The following SEMA3A variants were observed in gnomAD, a reference collection of about 807,000 sequenced individuals.
The protein encoded by SEMA3A is semaphorin-3A.
In SEMA3A, 29 loss-of-function variants were observed where a neutral mutation model predicts 97.9. The ratio of observed to expected loss-of-function variants is 0.30; its 90% CI spans 0.22 to 0.40. The LOEUF is 0.40. Ranked by LOEUF, SEMA3A falls within the 10% of genes least tolerant of loss-of-function variation. SEMA3A has a pLI of 1.00. For missense variants in SEMA3A, 763 were observed against 951.3 expected (o/e 0.80, Z 2.60); for synonymous variants, 321 against 323.7 (o/e 0.99, Z 0.09).
At chr7:83,995,220 A>G (rs1375024111) in intron 12 of SEMA3A, among the ~76,000 whole-genome samples, 1 of 151,666 alleles carries the variant, frequency 6.6e-6, no homozygotes, top group Non-Finnish European at 1.5e-5. Flanking sequence ...ACTGTCTGGC[A>G]CTCCCTAGTG....
At chr7:83,996,297 A>G (rs576031313) in intron 12 of SEMA3A, among the ~76,000 whole-genome samples, 14 of 140,220 alleles carry the variant, frequency 1.0e-4, no homozygotes, top group African/African-American at 3.8e-4. Context: ...ATTTACTAGT[A>G]ATCTTTTTTT....
chr7:84,203,502 G>GTA (rs1178194583), intron 3 of SEMA3A, among the ~76,000 whole-genome samples: 760 of 56,930 alleles, frequency 0.013, 86 homozygotes, highest in African/African-American at 0.05. Flanking sequence ...TTGTGTGTGT[G>GTA]TATATATATA....
At chr7:84,069,113 A>G (rs936065682) in intron 4 of SEMA3A, among the ~76,000 whole-genome samples, 2 of 152,064 alleles carry the variant, frequency 1.3e-5, no homozygotes, top group Non-Finnish European at 2.9e-5. Context: ...ATATAATTTG[A>G]TTTTTGGATA....
At position 84,376,460 on chromosome 7, in the gene SEMA3A, C is replaced by T. The variant is rs1012346316; in HGVS notation, c.-245-4560G>A. 3.0e-4 allele frequency among the ~76,000 whole-genome samples: 43 copies of T among 142,294 alleles called. 5 individuals are homozygous for T. Among genetic ancestry groups the T allele is most frequent in the Admixed American group, 1.8e-3 (24 of 13,686 alleles). 93.4% of individuals were successfully genotyped at this position (142,294 alleles called of 152,430 possible). ...TACTAAAAAACACAAAAAAATTAGC[C>T]GGGCGTGGTGGCGGGCGCCTGTAGT... is the stretch of plus-strand genomic sequence containing the variant. On this transcript the variant is annotated intron_variant, in intron 1 of 3. Transcript: ENST00000424555.
intron 1 of SEMA3A, among the ~76,000 whole-genome samples, chr7:84,381,918 T>A (rs1803271409): frequency 6.6e-6 from 1 of 152,176 alleles, no homozygotes; most frequent in African/African-American, 2.4e-5. Context: ...TTACTTGATA[T>A]TTTTAAACAT....
At chr7:84,052,499 A>G (rs1451269974) in intron 5 of SEMA3A, among the ~76,000 whole-genome samples, 2 of 152,118 alleles carry the variant, frequency 1.3e-5, no homozygotes, top group Non-Finnish European at 2.9e-5. Context: ...TTATTTGTGT[A>G]GAGGTGTTTG....
intron 12 of SEMA3A, among the ~76,000 whole-genome samples, chr7:83,988,320 G>A (rs1053084478): frequency 1.6e-4 from 24 of 151,562 alleles, no homozygotes; most frequent in African/African-American, 5.3e-4. Context: ...TCTGCCCCTC[G>A]GGTTCATGCC....
chr7:84,019,004 G>A (rs949769212), intron 6 of SEMA3A, among the ~76,000 whole-genome samples: 1 of 152,180 alleles, frequency 6.6e-6, no homozygotes, highest in African/African-American at 2.4e-5. Flanking sequence ...GGCTGTCATA[G>A]AAACTCAAAT....
intron 2 of SEMA3A, among the ~76,000 whole-genome samples, chr7:84,311,985 G>A (rs868514049): frequency 6.6e-6 from 1 of 151,694 alleles, no homozygotes; most frequent in Admixed American, 6.6e-5. Context: ...ATGGGGTGAC[G>A]CCACCAAAAC....
At position 84,082,128 on chromosome 7, in the gene SEMA3A, C is replaced by T. The variant is rs567028868; in HGVS notation, c.454-21570G>A. ...TAAAAATGAATTTTACCTTTGAGTACCTTCTCTGTCTGACTCATGGTTTTG... is the reference window on the plus strand; with the variant it reads ...TAAAAATGAATTTTACCTTTGAGTATCTTCTCTGTCTGACTCATGGTTTTG... On this transcript the variant is annotated intron_variant, in intron 4 of 16. Coordinates refer to ENST00000265362, the MANE Select transcript of SEMA3A (RefSeq NM_006080.3). Among the ~76,000 whole-genome samples, 6 of 152,224 alleles carry T rather than the reference C, an allele frequency of 3.9e-5. No homozygotes were observed. In the South Asian group the frequency reaches 1.2e-3, roughly 32 times the overall value.
chr7:84,158,061 T>C (rs973978783), intron 1 of SEMA3A, among the ~76,000 whole-genome samples: 1 of 152,042 alleles, frequency 6.6e-6, no homozygotes, highest in Admixed American at 6.6e-5. Flanking sequence ...TAGCTGATGC[T>C]ATAACTTGGG....
At chr7:84,078,892 C>T (rs548724812) in intron 4 of SEMA3A, among the ~76,000 whole-genome samples, 97 of 152,062 alleles carry the variant, frequency 6.4e-4, no homozygotes, top group Non-Finnish European at 1.1e-3. Flanking sequence ...TTGCAAAATA[C>T]AGGCAGGGCG....
At chr7:84,023,305 T>C (rs549726900) in intron 6 of SEMA3A, among the ~76,000 whole-genome samples, 1 of 152,184 alleles carries the variant, frequency 6.6e-6, no homozygotes, top group African/African-American at 2.4e-5. Flanking sequence ...CAGCAACATT[T>C]TGACCAGCAT....
intron 12 of SEMA3A, among the ~76,000 whole-genome samples, chr7:83,995,176 C>T (rs1188447236): frequency 9.2e-5 from 14 of 152,122 alleles, no homozygotes; most frequent in East Asian, 1.9e-4. Context: ...TGCTTCGGCT[C>T]GCGCACGGTG....
At chr7:84,058,760 T>C (rs1793096344) in intron 5 of SEMA3A, among the ~76,000 whole-genome samples, 1 of 152,180 alleles carries the variant, frequency 6.6e-6, no homozygotes, top group South Asian at 2.1e-4. Flanking sequence ...CACCTATTGT[T>C]CTTTCTAGCC....
intron 2 of SEMA3A, among the ~76,000 whole-genome samples, chr7:84,364,418 T>C (rs1296299824): frequency 6.6e-6 from 1 of 151,784 alleles, no homozygotes; most frequent in Non-Finnish European, 1.5e-5. Context: ...TAATTCAATT[T>C]CATCATTCAA....
rs79794418 is a variant in SEMA3A at position 84,440,768 on chromosome 7, A to T, written c.-246+51692T>A. The stretch of plus-strand genomic sequence containing the variant: ...AAAGGGCAGCAAATCCTGGAAAGGC[A>T]GGGAATCTCTTTTCTAGTTATGTTA... On this transcript the variant is annotated intron_variant, in intron 1 of 3. Coordinates refer to the SEMA3A transcript ENST00000424555. Among the ~76,000 whole-genome samples, 287 of 152,332 alleles carry T rather than the reference A, an allele frequency of 1.9e-3. 4 individuals are homozygous for T. In the East Asian group the frequency reaches 0.038, roughly 20 times the overall value.
intron 2 of SEMA3A, among the ~76,000 whole-genome samples, chr7:84,322,403 TC>T (rs1801670493): frequency 6.6e-6 from 1 of 151,844 alleles, no homozygotes; most frequent in Non-Finnish European, 1.5e-5. Flanking sequence ...CTTGGCTATG[TC>T]CCCAACCAAA....
chr7:84,414,043 T>G (rs1804356797), intron 1 of SEMA3A, among the ~76,000 whole-genome samples: 1 of 152,138 alleles, frequency 6.6e-6, no homozygotes, highest in Admixed American at 6.6e-5. Flanking sequence ...TTCTGATTAC[T>G]CTATTAACTG....
Sources: allele counts gnomAD v4.1 joint callset (sites outside exome capture counted in the v4.1 genomes callset), GRCh38; gene constraint gnomAD v4.1.1; transcripts MANE v1.5; gene names NCBI Gene and HGNC (gene_info 2026-07-23, HGNC 2026-07-21).